CD244: variants seen among roughly 807,000 people sequenced by gnomAD.
The protein encoded by CD244 is natural killer cell receptor 2B4.
A neutral mutation model predicts 45.5 loss-of-function variants in CD244; 20 were observed. The observed-to-expected ratio is 0.44, with a 90% confidence interval of 0.31 to 0.64. The LOEUF (loss-of-function observed/expected upper bound fraction) is 0.64. Among genes scored for constraint, CD244 ranks in the 30% least tolerant of loss-of-function variants. The pLI, the probability that CD244 is intolerant of heterozygous loss-of-function variation, is 0.08. For missense variants in CD244, 407 were observed against 426.9 expected, an observed-to-expected ratio of 0.95 and a Z score of 0.41; for synonymous variants, 185 against 160.5, an observed-to-expected ratio of 1.15 and a Z score of -1.15.
At chr1:160,838,379 T>C in intron 5 of CD244, 72 bp downstream of exon 5, 1 of 1,099,728 alleles carries the variant, frequency 9.1e-7, no homozygotes, top group South Asian at 1.2e-5. Context: ...GTCCCTCTGC[T>C]CTGAATAACC....
At position 160,831,370 on chromosome 1, in the gene CD244, C is replaced by T; in HGVS notation, c.1075G>A (p.Glu359Lys). 1 of 1,613,970 alleles carries T rather than the reference C, an allele frequency of 6.2e-7. No individual in the cohort carries two copies. Among genetic ancestry groups the T allele is most frequent in the Non-Finnish European group, 8.5e-7 (1 of 1,179,814 alleles). ...NPARLSRKELENFDVYS is the reference protein window; with the variant it reads ...NPARLSRKELKNFDVYS ...AACTAGGAATAAACATCAAAGTTCT[C>T]CAGCTCTTTGCGGCTCAATCGAGCA... The change falls in exon 9 of 9, where the codon GAG (glutamate) becomes AAG (lysine). Residue 359 changes from glutamate to lysine, a missense_variant. Transcript: ENST00000368034.
intron 6 of CD244, among the ~76,000 whole-genome samples, chr1:160,834,361 T>G (rs547377413): frequency 2.6e-5 from 4 of 152,308 alleles, no homozygotes; most frequent in African/African-American, 9.6e-5. Context: ...GTTTTTTTGT[T>G]TATTTGTTTT....
At chr1:160,853,345 G>C (rs956982812) in intron 1 of CD244, among the ~76,000 whole-genome samples, 6 of 152,156 alleles carry the variant, frequency 3.9e-5, no homozygotes, top group African/African-American at 1.4e-4. Context: ...AGAGAGGTTA[G>C]AATGTGATTA....
intron 1 of CD244, among the ~76,000 whole-genome samples, chr1:160,862,249 C>T (rs1413615549): frequency 6.6e-6 from 1 of 152,192 alleles, no homozygotes; most frequent in Non-Finnish European, 1.5e-5. Context: ...CCACCCACTT[C>T]CTTGGGACTG....
At chr1:160,851,194 A>G (rs534925538) in intron 1 of CD244, among the ~76,000 whole-genome samples, 60 of 152,264 alleles carry the variant, frequency 3.9e-4, no homozygotes, top group African/African-American at 1.4e-3. Flanking sequence ...TCGGTGATCA[A>G]CTTAACCTTC....
At chr1:160,841,040 G>A (rs942433263) in intron 3 of CD244, among the ~76,000 whole-genome samples, 170 bp downstream of exon 3, 2 of 152,236 alleles carry the variant, frequency 1.3e-5, no homozygotes, top group Non-Finnish European at 2.9e-5. Context: ...GATAGGCCTA[G>A]CTTTACAGGA....
At chr1:160,843,667 A>T (rs1669625456) in intron 1 of CD244, among the ~76,000 whole-genome samples, 1 of 152,270 alleles carries the variant, frequency 6.6e-6, no homozygotes, top group East Asian at 1.9e-4. Flanking sequence ...CATGCTAACC[A>T]ATCCTCCCAC....
intron 1 of CD244, 71 bp from the exon 2 acceptor site, chr1:160,841,972 T>A: frequency 7.4e-7 from 1 of 1,357,504 alleles, no homozygotes. Context: ...CAGCTGGATG[T>A]GACTTCCCTT....
At chr1:160,855,852 A>C (rs11265497) in intron 1 of CD244, among the ~76,000 whole-genome samples, 6,452 of 152,248 alleles carry the variant, frequency 0.042, 445 homozygotes, top group African/African-American at 0.14. Flanking sequence ...CAAGGAGACA[A>C]GTACAGAGGA....
intron 6 of CD244, among the ~76,000 whole-genome samples, chr1:160,834,349 C>A (rs966352438): frequency 1.3e-5 from 2 of 152,100 alleles, no homozygotes; most frequent in Non-Finnish European, 2.9e-5. Context: ...TCTCCTCTAA[C>A]TGTTTTTTTG....
intron 1 of CD244, among the ~76,000 whole-genome samples, chr1:160,846,050 G>T (rs1323234910): frequency 6.6e-6 from 1 of 152,002 alleles, no homozygotes; most frequent in African/African-American, 2.4e-5. Flanking sequence ...TGATGGAATG[G>T]TATCTTTTTT....
rs780791782 is a variant in CD244, at chr1:160,831,388, A to G, written c.1057T>C (p.Leu353=). 16 of 1,614,090 alleles carry G rather than the reference A, an allele frequency of 9.9e-6. No homozygotes were observed. Among genetic ancestry groups the G allele is most frequent in the African/African-American group, 6.7e-5 (5 of 74,942 alleles). Residue 353 remains leucine (L), a synonymous_variant, in exon 9 of 9, where the codon TTG becomes CTG. Transcript: ENST00000368034. ...AAGTTCTCCAGCTCTTTGCGGCTCA[A>G]TCGAGCAGGGTTCTGGGCTTTAGGT... ...SQPKAQNPAR[L]SRKELENFDV...
intron 1 of CD244, among the ~76,000 whole-genome samples, chr1:160,846,300 G>A (rs1571106117): frequency 6.6e-6 from 1 of 152,122 alleles, no homozygotes; most frequent in Admixed American, 6.5e-5. Flanking sequence ...GAGAACATAC[G>A]TTGTTTGGTT....
intron 5 of CD244, 100 bp downstream of exon 5, chr1:160,838,351 A>T: frequency 1.2e-6 from 1 of 868,492 alleles, no homozygotes. Flanking sequence ...TCAAAAGGAC[A>T]GTCGTTCAGT....
chr1:160,858,874 T>C (rs904335652), intron 1 of CD244, among the ~76,000 whole-genome samples: 1 of 152,068 alleles, frequency 6.6e-6, no homozygotes, highest in Non-Finnish European at 1.5e-5. Flanking sequence ...AAAATAAGTA[T>C]CTACTGAGGG....
In CD244 at chr1:160,836,224, TC is replaced by T; in HGVS notation, c.864del (p.Ser289AlafsTer6). 6.2e-7 allele frequency: 1 copy of T among 1,613,404 alleles called. No individual in the cohort carries two copies. Among genetic ancestry groups the T allele is most frequent in the Non-Finnish European group, 8.5e-7 (1 of 1,179,662 alleles). ...HEQEQTFPGG[G>X]STIYSMIQSQ... ...GACTGGATCATAGAGTAGATGGTGC[TC>T]CCCCCTCCAGGAAAAGTCTGCTCCT... On this transcript the variant is annotated frameshift_variant, in exon 6 of 9. Transcript: ENST00000368034. LOFTEE classifies it high-confidence loss of function.
In CD244 at chr1:160,834,259, G is replaced by A. The variant is rs1571085172; in HGVS notation, c.895-143C>T. On this transcript the variant is annotated intron_variant, in intron 6 of 8. Coordinates refer to ENST00000368034, the MANE Select transcript of CD244 (RefSeq NM_016382.4). ...GAAAAGAGCCCTGGACTAGCCAGGA[G>A]GTCAGACAACCTGAGTGCTAGTCTC... The A allele has an allele frequency of 1.4e-5, 9 of 629,436 alleles. No individual in the cohort carries two copies. The East Asian group carries it at 2.2e-4, about 15-fold the overall frequency. 39.0% of individuals were successfully genotyped at this position (629,436 alleles called of 1,614,324 possible). A position where few individuals can be genotyped will look rare whatever the true frequency, so the allele number is the denominator to read the frequency against.
chr1:160,860,892 A>T (rs887444325), intron 1 of CD244, among the ~76,000 whole-genome samples: 6 of 152,206 alleles, frequency 3.9e-5, no homozygotes, highest in Non-Finnish European at 7.3e-5. Context: ...ATGGAGGAGG[A>T]AGCAGCTCAG....
intron 1 of CD244, among the ~76,000 whole-genome samples, chr1:160,845,041 A>T (rs1041511727): frequency 2.6e-5 from 4 of 152,166 alleles, no homozygotes; most frequent in African/African-American, 9.7e-5. Context: ...CTGACCACAC[A>T]TGCATGACTG....
Sources: allele counts gnomAD v4.1 joint callset (sites outside exome capture counted in the v4.1 genomes callset), GRCh38; gene constraint gnomAD v4.1.1; transcripts MANE v1.5; gene names NCBI Gene and HGNC (gene_info 2026-07-23, HGNC 2026-07-21).